Variants in DACH2 observed in about 807,000 individuals in gnomAD.
DACH2 encodes the protein dachshund homolog 2.
Under a neutral mutation model 35.8 loss-of-function variants are expected in DACH2, and 17 were observed. The observed-to-expected ratio is 0.48, with a 90% CI of 0.33 to 0.71. The LOEUF is 0.71. DACH2 is among the 30% of genes least tolerant of loss of function. DACH2 has a pLI of 0.02. For synonymous variants in DACH2, 195 were observed against 177.3 expected (o/e 1.10, Z -0.79); for missense variants, 469 against 472.7 (o/e 0.99, Z 0.07).
intron 1 of DACH2, among the ~76,000 whole-genome samples, chrX:86,264,817 A>T (rs1366712577): frequency 9.0e-6 from 1 of 111,451 alleles, no homozygotes; most frequent in Non-Finnish European, 1.9e-5. Context: ...TTCACAGCTC[A>T]TGGCACTATG....
chrX:86,598,720 G>A (rs1276673910), intron 3 of DACH2, among the ~76,000 whole-genome samples: 1 of 109,445 alleles, frequency 9.1e-6, no homozygotes, highest in Non-Finnish European at 1.9e-5. Context: ...GTATTTAAGA[G>A]TACCCTTAAG....
chrX:86,539,132 G>A (rs2038845545), intron 3 of DACH2, among the ~76,000 whole-genome samples: 1 of 111,011 alleles, frequency 9.0e-6, no homozygotes, highest in Non-Finnish European at 1.9e-5. Context: ...GGCTGGAGAT[G>A]ATTAGATCAT....
chrX:86,593,106 A>T (rs2039668183), intron 3 of DACH2, among the ~76,000 whole-genome samples: 1 of 111,107 alleles, frequency 9.0e-6, no homozygotes, highest in Non-Finnish European at 1.9e-5. Flanking sequence ...TAGCAGAGAA[A>T]CATTTAGTTT....
At chrX:86,831,135 CCAT>C (rs1430680716) in intron 11 of DACH2, 1 of 110,918 alleles carries the variant, frequency 9.0e-6, no homozygotes, top group East Asian at 2.8e-4. Flanking sequence ...CTGCCACTCA[CCAT>C]GATACCTTAT....
intron 3 of DACH2, among the ~76,000 whole-genome samples, chrX:86,619,206 A>G (rs775269734): frequency 5.6e-4 from 63 of 111,780 alleles, no homozygotes; most frequent in African/African-American, 1.9e-3. Flanking sequence ...TCTTCCCACA[A>G]CCCTACCACA....
At chrX:86,555,088 T>C (rs1399896538) in intron 3 of DACH2, among the ~76,000 whole-genome samples, 2 of 111,611 alleles carry the variant, frequency 1.8e-5, no homozygotes, top group East Asian at 5.7e-4. Flanking sequence ...ATCCACTGTT[T>C]ATACCCAGAT....
chrX:86,259,357 AAC>A (rs1442830694), intron 1 of DACH2, among the ~76,000 whole-genome samples: 1 of 111,685 alleles, frequency 9.0e-6, no homozygotes, highest in Non-Finnish European at 1.9e-5. Context: ...ATAGAGGTTA[AAC>A]ACACAATTTA....
intron 4 of DACH2, among the ~76,000 whole-genome samples, chrX:86,657,366 T>C (rs1347803317): frequency 9.0e-6 from 1 of 111,029 alleles, no homozygotes; most frequent in Non-Finnish European, 1.9e-5. Context: ...TACATAAATA[T>C]ACTTACCATG....
intron 1 of DACH2, among the ~76,000 whole-genome samples, chrX:86,267,534 C>T (rs1005501365): frequency 1.8e-5 from 2 of 111,729 alleles, no homozygotes; most frequent in African/African-American, 6.5e-5. Flanking sequence ...ATTTAAATGT[C>T]TCTCAAAGAT....
chrX:86,467,742 C>T (rs1243810770), intron 2 of DACH2, among the ~76,000 whole-genome samples: 1 of 111,724 alleles, frequency 9.0e-6, no homozygotes, highest in Non-Finnish European at 1.9e-5. Context: ...CTCACAGTTC[C>T]ACAGGGCTGG....
At chrX:86,302,904 T>A (rs1326921994) in intron 1 of DACH2, among the ~76,000 whole-genome samples, 4 of 109,140 alleles carry the variant, frequency 3.7e-5, no homozygotes, top group African/African-American at 1.3e-4. Context: ...CAATATGTAA[T>A]GAGTAAATTT....
At chrX:86,751,019 A>T (rs2041766887) in intron 7 of DACH2, among the ~76,000 whole-genome samples, 1 of 111,326 alleles carries the variant, frequency 9.0e-6, no homozygotes, top group South Asian at 3.7e-4. Context: ...AGGAGCTACC[A>T]TACTGTTTTC....
intron 2 of DACH2, among the ~76,000 whole-genome samples, chrX:86,407,670 A>G (rs2036546838): frequency 8.9e-6 from 1 of 112,406 alleles, no homozygotes; most frequent in Non-Finnish European, 1.9e-5. Context: ...TTGATAAGTC[A>G]GTGATGCAGA....
intron 7 of DACH2, among the ~76,000 whole-genome samples, chrX:86,767,995 G>A (rs2041952160): frequency 9.0e-6 from 1 of 111,408 alleles, no homozygotes; most frequent in South Asian, 3.7e-4. Context: ...ATTCGCTGGT[G>A]GCTTGTAGAT....
chrX:86,231,813 T>C (rs757585208), intron 1 of DACH2, among the ~76,000 whole-genome samples: 52 of 112,314 alleles, frequency 4.6e-4, no homozygotes, highest in Admixed American at 4.3e-3. Flanking sequence ...TTCTCCCCTG[T>C]GGGGTTTTAC....
At chrX:86,664,487 A>T (rs1354927760) in intron 4 of DACH2, among the ~76,000 whole-genome samples, 1 of 111,537 alleles carries the variant, frequency 9.0e-6, no homozygotes, top group African/African-American at 3.3e-5. Context: ...CCTGCCATGG[A>T]GTTTTCTTAT....
At chrX:86,552,227 C>T (rs7886551) in intron 3 of DACH2, among the ~76,000 whole-genome samples, 1,667 of 111,211 alleles carry the variant, frequency 0.015, 19 homozygotes, top group Non-Finnish European at 0.023. Flanking sequence ...ACATATAATA[C>T]ATAGTAGACC....
chrX:86,222,341 A>G (rs770118598), intron 1 of DACH2, among the ~76,000 whole-genome samples: 32 of 112,138 alleles, frequency 2.9e-4, no homozygotes, highest in Non-Finnish European at 4.9e-4. Context: ...CCTGTGCTGT[A>G]TAAAAGTAAG....
At chrX:86,416,878 C>T (rs186628311) in intron 2 of DACH2, among the ~76,000 whole-genome samples, 1 of 109,887 alleles carries the variant, frequency 9.1e-6, no homozygotes, top group East Asian at 2.9e-4. Context: ...GTGGGTGGAT[C>T]ACCTGAGGTC....
Sources: allele counts gnomAD v4.1 joint callset (sites outside exome capture counted in the v4.1 genomes callset), GRCh38; gene constraint gnomAD v4.1.1; transcripts MANE v1.5; gene names NCBI Gene and HGNC (gene_info 2026-07-23, HGNC 2026-07-21).